The following PRKN variants were observed in gnomAD, a reference collection of about 807,000 sequenced individuals.
PRKN encodes E3 ubiquitin-protein ligase parkin.
PRKN carries 56 observed loss-of-function variants against 59.5 expected under a neutral mutation model. That is an observed-to-expected ratio of 0.94 (90% CI 0.76 to 1.18). The LOEUF (loss-of-function observed/expected upper bound fraction) is 1.18, where lower values mean the gene tolerates loss of function less well. Ranked by LOEUF, PRKN falls within the 50% of genes most tolerant of loss-of-function variation. The pLI is 0.00. For missense variants in PRKN, 657 were observed against 596.4 expected (o/e 1.10, Z -1.06); for synonymous variants, 250 against 222.1 (o/e 1.13, Z -1.12).
At chr6:162,722,344 T>A (rs1778968237) in intron 1 of PRKN, among the ~76,000 whole-genome samples, 1 of 152,240 alleles carries the variant, frequency 6.6e-6, no homozygotes, top group Non-Finnish European at 1.5e-5. Context: ...ATCCTATTAC[T>A]GTAATTCCTT....
chr6:162,090,794 G>A (rs576504657), intron 4 of PRKN, among the ~76,000 whole-genome samples: 1 of 152,290 alleles, frequency 6.6e-6, no homozygotes, highest in African/African-American at 2.4e-5. Context: ...AAATGTAAAT[G>A]TGTTTTTCTC....
chr6:162,285,625 TC>T (rs1345781796), intron 2 of PRKN, among the ~76,000 whole-genome samples: 1 of 152,186 alleles, frequency 6.6e-6, no homozygotes, highest in African/African-American at 2.4e-5. Flanking sequence ...TTACTAAATA[TC>T]TTACATATTA....
intron 1 of PRKN, among the ~76,000 whole-genome samples, chr6:162,627,059 G>A (rs939971079): frequency 3.9e-5 from 6 of 152,140 alleles, no homozygotes; most frequent in Non-Finnish European, 7.3e-5. Flanking sequence ...CTGTTCTACA[G>A]AATTCAATGC....
intron 9 of PRKN, among the ~76,000 whole-genome samples, chr6:161,543,197 A>G (rs1201156242): frequency 6.6e-6 from 1 of 152,198 alleles, no homozygotes; most frequent in African/African-American, 2.4e-5. Context: ...TTAAAGGCTG[A>G]AAATGAGGTT....
At chr6:162,640,281 C>T (rs957583861) in intron 1 of PRKN, among the ~76,000 whole-genome samples, 3 of 152,004 alleles carry the variant, frequency 2.0e-5, no homozygotes, top group South Asian at 2.1e-4. Flanking sequence ...TTCTCAAATG[C>T]GATATTGCTT....
At position 161,567,029 on chromosome 6, in the gene PRKN, T is replaced by TG. The variant is rs1554277325; in HGVS notation, c.933+2325_933+2326insC. On this transcript the variant is annotated intron_variant, in intron 8 of 11. Transcript: ENST00000366898. ...CCAGTATTCACTGTCCTTGTTTTTT[T>TG]TTTTTTTTTGTGTGTGTGTGTGTGT... Among the ~76,000 whole-genome samples the TG allele has an allele frequency of 9.8e-4, 114 of 116,882 alleles. 1 individual carries two copies. Among genetic ancestry groups the TG allele is most frequent in the African/African-American group, 3.8e-3 (113 of 29,406 alleles). The allele number at this position is 116,882 out of a possible 152,430, so 76.7% of individuals were successfully genotyped here. A position where few individuals can be genotyped will look rare whatever the true frequency, so the allele number is the denominator to read the frequency against.
intron 2 of PRKN, among the ~76,000 whole-genome samples, chr6:162,281,074 G>C (rs184634355): frequency 3.9e-5 from 6 of 152,216 alleles, no homozygotes; most frequent in Admixed American, 3.9e-4. Flanking sequence ...ACTCAGCATA[G>C]TATTCCATGG....
chr6:162,498,169 G>C (rs1793156016), intron 1 of PRKN, among the ~76,000 whole-genome samples: 1 of 151,988 alleles, frequency 6.6e-6, no homozygotes, highest in Admixed American at 6.6e-5. Context: ...CTCAGAACAA[G>C]GGATTTGTGC....
rs1457358095 is a variant in PRKN at position 162,188,138 on chromosome 6, T to A, written c.534+12993A>T. Among the ~76,000 whole-genome samples the A allele has an allele frequency of 2.0e-5, 3 of 152,150 alleles. No homozygotes were observed. In the East Asian group the frequency reaches 5.8e-4, roughly 29 times the overall value. ...ACTTGCTCCTTCGTGCCTCTCACCTTCCACCAGAAGTGTGAGGCCTCCCCA... is the reference window on the plus strand; with the variant it reads ...ACTTGCTCCTTCGTGCCTCTCACCTACCACCAGAAGTGTGAGGCCTCCCCA... On this transcript the variant is annotated intron_variant, in intron 4 of 11. Transcript: ENST00000366898.
chr6:161,990,391 T>C (rs1355552511), intron 5 of PRKN, among the ~76,000 whole-genome samples: 1 of 151,932 alleles, frequency 6.6e-6, no homozygotes, highest in African/African-American at 2.4e-5. Flanking sequence ...TAGAAAAAAG[T>C]AGTCTTTTTC....
At chr6:161,522,893 T>C (rs1362598817) in intron 9 of PRKN, among the ~76,000 whole-genome samples, 1 of 152,208 alleles carries the variant, frequency 6.6e-6, no homozygotes, top group African/African-American at 2.4e-5. Context: ...TAACATTAGA[T>C]GACAGATGTT....
At chr6:162,387,626 C>T (rs1277316057) in intron 2 of PRKN, among the ~76,000 whole-genome samples, 3 of 141,538 alleles carry the variant, frequency 2.1e-5, no homozygotes, top group Non-Finnish European at 3.0e-5. Flanking sequence ...CACTTGTCTG[C>T]AAATAGTCCC....
chr6:161,975,005 T>C (rs1439862991), intron 5 of PRKN, among the ~76,000 whole-genome samples: 2 of 152,020 alleles, frequency 1.3e-5, no homozygotes, highest in Non-Finnish European at 2.9e-5. Flanking sequence ...CTGCAGGCCA[T>C]GATGAGACAT....
intron 1 of PRKN, among the ~76,000 whole-genome samples, chr6:162,635,595 TATA>T (rs67852948): frequency 0.61 from 92,569 of 151,270 alleles, 29,029 homozygotes; most frequent in African/African-American, 0.75. Context: ...CTTATTTTAT[TATA>T]ATAATATTAT....
At chr6:161,679,763 TTTTTTTTTTG>T (rs1243219059) in intron 7 of PRKN, among the ~76,000 whole-genome samples, 5 of 115,848 alleles carry the variant, frequency 4.3e-5, no homozygotes, top group Admixed American at 8.7e-5. Context: ...TTTTTTTTTT[TTTTTTTTTTG>T]AGATGGAGTC....
chr6:162,258,994 C>T (rs1369629715), intron 3 of PRKN, among the ~76,000 whole-genome samples: 3 of 152,160 alleles, frequency 2.0e-5, no homozygotes, highest in African/African-American at 7.2e-5. Context: ...GGCTACAGCC[C>T]AGCTATTCAC....
chr6:162,651,396 A>G (rs773765207), intron 1 of PRKN, among the ~76,000 whole-genome samples: 13 of 152,138 alleles, frequency 8.5e-5, no homozygotes, highest in Non-Finnish European at 1.6e-4. Flanking sequence ...TCCCTCCATC[A>G]CTATAACTAA....
intron 1 of PRKN, among the ~76,000 whole-genome samples, chr6:162,579,410 G>A (rs1437169467): frequency 6.7e-6 from 1 of 148,742 alleles, no homozygotes; most frequent in African/African-American, 2.5e-5. Flanking sequence ...CATGCAACAA[G>A]TTCATGCACA....
At chr6:161,602,600 G>T (rs1186169473) in intron 7 of PRKN, among the ~76,000 whole-genome samples, 1 of 152,188 alleles carries the variant, frequency 6.6e-6, no homozygotes, top group African/African-American at 2.4e-5. Flanking sequence ...TGAGAGATTT[G>T]CTCTCTGTAG....
Sources: gnomAD v4.1 joint callset for allele counts (sites outside exome capture counted in the v4.1 genomes callset) on GRCh38, gnomAD v4.1.1 for gene constraint, MANE v1.5 for transcripts, NCBI Gene and HGNC (gene_info 2026-07-23, HGNC 2026-07-21) for gene names.